FRY: variants seen among roughly 807,000 people sequenced by gnomAD.
The protein encoded by FRY is FRY microtubule binding protein.
In FRY, 128 loss-of-function variants were observed where a neutral mutation model predicts 348.4. That is an observed-to-expected ratio of 0.37 (90% CI 0.32 to 0.43). The LOEUF is 0.43. Among genes scored for constraint, FRY ranks in the 20% least tolerant of loss-of-function variants. The pLI, the probability that FRY is intolerant of heterozygous loss-of-function variation, is 1.00. For missense variants in FRY, 2,736 were observed against 3,695.2 expected (o/e 0.74, Z 6.73); for synonymous variants, 1,370 against 1,374.7 (o/e 1.00, Z 0.08).
intron 23 of FRY, among the ~76,000 whole-genome samples, chr13:32,181,495 G>T (rs1404719047): frequency 6.8e-6 from 1 of 147,952 alleles, no homozygotes; most frequent in African/African-American, 2.5e-5. Context: ...TCGGGAGGCT[G>T]AGGCAGGAGA....
intron 1 of FRY, among the ~76,000 whole-genome samples, chr13:32,039,420 G>T (rs996360950): frequency 6.6e-6 from 1 of 151,972 alleles, no homozygotes; most frequent in Non-Finnish European, 1.5e-5. Flanking sequence ...CAAAATACTT[G>T]GGTGATTACA....
chr13:32,071,079 T>G (rs1420380671), intron 1 of FRY, among the ~76,000 whole-genome samples: 2 of 152,252 alleles, frequency 1.3e-5, no homozygotes, highest in African/African-American at 4.8e-5. Flanking sequence ...ATATATCTAT[T>G]TTGGTACCAG....
chr13:32,055,106 G>A (rs1177265893), intron 1 of FRY, among the ~76,000 whole-genome samples: 1 of 151,990 alleles, frequency 6.6e-6, no homozygotes, highest in Admixed American at 6.6e-5. Flanking sequence ...GAGTGCAGTG[G>A]TGTGATCATA....
In FRY at chr13:32,238,862, CA is replaced by C. The variant is rs148461697; in HGVS notation, c.6419-389del. Among the ~76,000 whole-genome samples the C allele has an allele frequency of 3.1e-3, 470 of 152,290 alleles. 2 individuals carry two copies. Among genetic ancestry groups the C allele is most frequent in the African/African-American group, 0.011 (456 of 41,558 alleles). ...TTATTTTAAAGAGTCTTTTCAATTA[CA>C]TGACTAAGACTTAAATTGGTTGGCC... is the stretch of plus-strand genomic sequence containing the variant. On this transcript the variant is annotated intron_variant, in intron 44 of 60. Transcript: ENST00000542859.
chr13:32,263,879 G>C (rs977353022), intron 53 of FRY, among the ~76,000 whole-genome samples: 1 of 152,138 alleles, frequency 6.6e-6, no homozygotes, highest in Non-Finnish European at 1.5e-5. Context: ...CATGGTGGCG[G>C]TGCCCGTAAT....
rs142638707 is a variant in FRY, at chr13:32,200,641, G to T, written c.3747-1300G>T. Reference sequence around the variant, plus strand: ...AACTCACCAGGAGTTTTCTACTTACGACTTCTTTTCCACTATAATCTAAGA... The same window carrying T: ...AACTCACCAGGAGTTTTCTACTTACTACTTCTTTTCCACTATAATCTAAGA... On this transcript the variant is annotated intron_variant, in intron 29 of 60. Coordinates refer to ENST00000542859, the MANE Select transcript of FRY (RefSeq NM_023037.3). Among the ~76,000 whole-genome samples the T allele has an allele frequency of 4.6e-3, 701 of 152,280 alleles. 9 individuals are homozygous for T. Among genetic ancestry groups the T allele is most frequent in the African/African-American group, 0.016 (670 of 41,550 alleles).
chr13:32,257,928 T>C (rs765900168), intron 51 of FRY: 1 of 1,586,250 alleles, frequency 6.3e-7, no homozygotes, highest in Non-Finnish European at 8.7e-7. Flanking sequence ...AATAGACCTT[T>C]TGTTTGTTTT....
intron 18 of FRY, among the ~76,000 whole-genome samples, chr13:32,171,916 A>C (rs372638417): frequency 8.1e-6 from 1 of 122,970 alleles, no homozygotes; most frequent in Admixed American, 8.6e-5. Context: ...ATGTGGATGT[A>C]GGTGTGGATG....
In FRY at chr13:32,137,790, ATAGT is replaced by A. The variant is rs1161964358; in HGVS notation, c.1179+825_1179+828del. Among the ~76,000 whole-genome samples, 6 of 152,212 alleles carry A rather than the reference ATAGT, an allele frequency of 3.9e-5. No individual in the cohort carries two copies. In the East Asian group the frequency reaches 5.8e-4, roughly 15 times the overall value. ...TTAGCTGCTTTTGAATTTTAAGAAT[ATAGT>A]TAGTTACAAAATTTTGTATGTGCTT... On this transcript the variant is annotated intron_variant, in intron 11 of 60. Coordinates refer to ENST00000542859, the MANE Select transcript of FRY (RefSeq NM_023037.3).
At chr13:32,162,924 G>C (rs1004075) in intron 17 of FRY, among the ~76,000 whole-genome samples, 48,818 of 152,004 alleles carry the variant, frequency 0.32, 8,101 homozygotes, top group East Asian at 0.56. Flanking sequence ...GGGCTTTCCA[G>C]TTCAGGGCAA....
intron 39 of FRY, among the ~76,000 whole-genome samples, chr13:32,228,237 A>C (rs1885703750): frequency 1.3e-5 from 2 of 152,200 alleles, no homozygotes; most frequent in Non-Finnish European, 2.9e-5. Context: ...ATCACCTCCT[A>C]TTCCCAAATA....
rs1300604892 is a variant in FRY at position 32,225,030 on chromosome 13, T to C, written c.5014T>C (p.Phe1672Leu). The change falls in exon 38 of 61, where the codon TTC becomes CTC. Residue 1672 changes from phenylalanine to leucine, a missense_variant. Physicochemically the swap from Phe to Leu is conservative, Grantham distance 22. This residue lies in a region of FRY where 794 missense variants were observed against 977.0 expected (regional missense o/e 0.81). Transcript: ENST00000542859. ...TCTACCATTATTACTTCATGCTGTC[T>C]TCTTAGGTAAGACTGGATCTAAAAG... ...LHLPLLLHAV[F>L]LGLDHYRPEV... 3.8e-6 allele frequency: 6 copies of C among 1,576,794 alleles called. No homozygotes were observed. The highest frequency in any genetic ancestry group is 1.1e-5 in the South Asian group (1 of 90,326).
intron 41 of FRY, among the ~76,000 whole-genome samples, chr13:32,233,068 C>T (rs562480059): frequency 9.2e-5 from 14 of 152,012 alleles, no homozygotes; most frequent in African/African-American, 3.1e-4. Context: ...ACATAAAAAG[C>T]TTTTTTGAAG....
At chr13:32,189,948 A>T (rs1282618847) in intron 28 of FRY, among the ~76,000 whole-genome samples, 1 of 152,000 alleles carries the variant, frequency 6.6e-6, no homozygotes, top group Non-Finnish European at 1.5e-5. Flanking sequence ...AAAAAAGATG[A>T]TTTACCATGG....
intron 28 of FRY, among the ~76,000 whole-genome samples, chr13:32,188,972 T>C (rs953449747): frequency 1.3e-5 from 2 of 152,150 alleles, no homozygotes; most frequent in African/African-American, 4.8e-5. Flanking sequence ...CTGCTGTTAA[T>C]CGTCAGTCCT....
chr13:32,173,633 C>T (rs1386496010), intron 19 of FRY, 84 bp downstream of exon 19: 2 of 973,824 alleles, frequency 2.1e-6, no homozygotes, highest in Non-Finnish European at 3.3e-6. Flanking sequence ...TGATGCATTA[C>T]TATTTCAGGT....
At chr13:32,230,403 AC>A (rs2138430814) in intron 40 of FRY, among the ~76,000 whole-genome samples, 1 of 152,254 alleles carries the variant, frequency 6.6e-6, no homozygotes, top group Non-Finnish European at 1.5e-5. Flanking sequence ...ATAATCTTGT[AC>A]CTTTTTATGG....
intron 31 of FRY, among the ~76,000 whole-genome samples, chr13:32,206,545 G>A (rs1009577656): frequency 7.2e-5 from 11 of 152,178 alleles, no homozygotes; most frequent in African/African-American, 2.7e-4. Context: ...AGAGTCAGAG[G>A]AGGAGTTTTA....
intron 46 of FRY, 106 bp from the exon 47 acceptor site, chr13:32,243,935 TA>T (rs1186396580): frequency 2.3e-6 from 3 of 1,304,022 alleles, no homozygotes; most frequent in African/African-American, 2.9e-5. Context: ...CCTAAAAAAA[TA>T]AAAAATAAAA....
Sources: allele counts gnomAD v4.1 joint callset (sites outside exome capture counted in the v4.1 genomes callset), GRCh38; gene constraint gnomAD v4.1.1; regional missense constraint gnomAD v4.1.1; transcripts MANE v1.5; gene names NCBI Gene and HGNC (gene_info 2026-07-23, HGNC 2026-07-21).